The following ZMIZ1 variants were observed in gnomAD, a reference collection of about 807,000 sequenced individuals.
ZMIZ1 encodes zinc finger MIZ domain-containing protein 1.
ZMIZ1 carries 17 observed loss-of-function variants against 113.9 expected under a neutral mutation model. The ratio of observed to expected loss-of-function variants is 0.15; its 90% CI spans 0.10 to 0.22. ZMIZ1 has a LOEUF of 0.22. ZMIZ1 is among the 10% of genes least tolerant of loss of function. The pLI, the probability that ZMIZ1 is intolerant of heterozygous loss-of-function variation, is 1.00. For synonymous variants in ZMIZ1, 607 were observed against 603.1 expected (o/e 1.01, Z -0.09); for missense variants, 1,059 against 1,477.8 (o/e 0.72, Z 4.65).
At chr10:79,073,779 C>G (rs954221956) in intron 1 of ZMIZ1, among the ~76,000 whole-genome samples, 1 of 151,692 alleles carries the variant, frequency 6.6e-6, no homozygotes, top group Middle Eastern at 3.2e-3. Flanking sequence ...CCTCTGGGCA[C>G]TTTCCTTGGA....
At chr10:79,188,836 A>G (rs703974) in intron 4 of ZMIZ1, among the ~76,000 whole-genome samples, 48,057 of 152,192 alleles carry the variant, frequency 0.32, 8,850 homozygotes, top group Non-Finnish European at 0.41. Context: ...GAGAAAAGCC[A>G]GATTTTGTAA....
intron 1 of ZMIZ1, among the ~76,000 whole-genome samples, chr10:79,102,099 C>G (rs1278673782): frequency 1.3e-5 from 2 of 152,228 alleles, no homozygotes; most frequent in African/African-American, 2.4e-5. Flanking sequence ...ATAAGCTCTT[C>G]CCATCTGGAG....
intron 19 of ZMIZ1, 114 bp from the exon 20 acceptor site, chr10:79,305,050 C>T: frequency 8.2e-7 from 1 of 1,226,256 alleles, no homozygotes; most frequent in Non-Finnish European, 1.2e-6. Context: ...CCCGGGGTTT[C>T]TCCCACAGCC....
At chr10:79,221,141 C>G (rs1848949917) in intron 7 of ZMIZ1, among the ~76,000 whole-genome samples, 1 of 152,192 alleles carries the variant, frequency 6.6e-6, no homozygotes, top group Non-Finnish European at 1.5e-5. Context: ...GTCAGGAGGC[C>G]AGGCCAGCCA....
intron 1 of ZMIZ1, among the ~76,000 whole-genome samples, chr10:79,093,752 C>T (rs899786879): frequency 1.3e-5 from 2 of 152,218 alleles, no homozygotes; most frequent in Non-Finnish European, 2.9e-5. Context: ...TCCCACTACC[C>T]TATGCACACC....
intron 4 of ZMIZ1, among the ~76,000 whole-genome samples, chr10:79,181,607 C>A (rs1358613133): frequency 6.6e-6 from 1 of 152,218 alleles, no homozygotes; most frequent in African/African-American, 2.4e-5. Flanking sequence ...GCTCCCCAAA[C>A]CCCAAACCGT....
intron 1 of ZMIZ1, among the ~76,000 whole-genome samples, chr10:79,108,886 G>A (rs995244235): frequency 6.6e-6 from 1 of 152,048 alleles, no homozygotes; most frequent in African/African-American, 2.4e-5. Flanking sequence ...CCACCACCGA[G>A]GCCCCTGTGC....
At position 79,284,549 on chromosome 10, in the gene ZMIZ1, T is replaced by G. The variant is rs186501663; in HGVS notation, c.426-5226T>G. Among the ~76,000 whole-genome samples, 4 of 152,332 alleles carry G rather than the reference T, an allele frequency of 2.6e-5. No individual in the cohort carries two copies. In the East Asian group the frequency reaches 7.7e-4, roughly 29 times the overall value. ...TGAAGTAAACAGGGGTAGCTGTGTA[T>G]GGCTGGTTGGAGGACTGGAGAGAAA... On this transcript the variant is annotated intron_variant, in intron 8 of 24. Transcript: ENST00000334512.
chr10:79,245,773 C>T (rs953655397), intron 7 of ZMIZ1, among the ~76,000 whole-genome samples: 1 of 152,182 alleles, frequency 6.6e-6, no homozygotes, highest in Admixed American at 6.5e-5. Context: ...TAGCCACTGG[C>T]CACATGTGGC....
chr10:79,241,803 G>A lies in ZMIZ1; in HGVS notation c.280+25529G>A, dbSNP rs1849845017. Among the ~76,000 whole-genome samples the A allele has an allele frequency of 2.0e-5, 3 of 152,238 alleles. 1 individual carries two copies. The highest frequency in any genetic ancestry group is 1.3e-4 in the Admixed American group (2 of 15,290). ...GGTTTAGGGGCCAGCCAGAGGCTGA[G>A]GCTGAGAAGAGGGGATGGAGTCAGG... is the stretch of plus-strand genomic sequence containing the variant. On this transcript the variant is annotated intron_variant, in intron 7 of 24. Coordinates refer to ENST00000334512, the MANE Select transcript of ZMIZ1 (RefSeq NM_020338.4).
intron 1 of ZMIZ1, among the ~76,000 whole-genome samples, chr10:79,078,570 C>CTT (rs34178865): frequency 0.33 from 29,242 of 87,546 alleles, 4,799 homozygotes; most frequent in Non-Finnish European, 0.41. Context: ...CCACCCCCGA[C>CTT]TTTTTTTTTT....
chr10:79,130,174 C>T lies in ZMIZ1; in HGVS notation c.-226-9508C>T, dbSNP rs77295967. Among the ~76,000 whole-genome samples the T allele has an allele frequency of 5.0e-3, 760 of 152,358 alleles. 5 individuals carry two copies. Among genetic ancestry groups the T allele is most frequent in the South Asian group, 0.021 (100 of 4,834 alleles). ...CCTGCTGGGGACCATCTTCCTGCTTCTGAATCCCTGAGCCCTTTCCAGCCC... is the reference window on the plus strand; with the variant it reads ...CCTGCTGGGGACCATCTTCCTGCTTTTGAATCCCTGAGCCCTTTCCAGCCC... On this transcript the variant is annotated intron_variant, in intron 2 of 24. Coordinates refer to ENST00000334512, the MANE Select transcript of ZMIZ1 (RefSeq NM_020338.4).
At chr10:79,279,641 G>A (rs372415727) in intron 8 of ZMIZ1, among the ~76,000 whole-genome samples, 11 of 152,180 alleles carry the variant, frequency 7.2e-5, no homozygotes, top group African/African-American at 1.7e-4. Flanking sequence ...GTAGCGAGCC[G>A]AGATCACGCC....
chr10:79,236,696 G>A (rs770173832), intron 7 of ZMIZ1, among the ~76,000 whole-genome samples: 3 of 152,146 alleles, frequency 2.0e-5, no homozygotes, highest in Non-Finnish European at 4.4e-5. Context: ...CCTAGGCTCC[G>A]GGCAGGGCAG....
chr10:79,173,060 G>C (rs568071340), intron 4 of ZMIZ1, among the ~76,000 whole-genome samples: 8 of 152,284 alleles, frequency 5.3e-5, no homozygotes, highest in Admixed American at 5.2e-4. Flanking sequence ...AAATCTGCTG[G>C]CTCTGCACCA....
intron 4 of ZMIZ1, among the ~76,000 whole-genome samples, chr10:79,200,411 G>A (rs539261154): frequency 6.6e-6 from 1 of 152,304 alleles, no homozygotes; most frequent in Admixed American, 6.5e-5. Context: ...GGACTCCCAG[G>A]GCTTTTTCGA....
In ZMIZ1 at chr10:79,277,117, G is replaced by GT. The variant is rs902173492; in HGVS notation, c.281-64_281-63insT. ...GCACCCAGTCTGGGGAGAGTTGGGG[G>GT]GGGGTCTTGGTGTGGCAGAGCATGA... On this transcript the variant is annotated intron_variant, in intron 7 of 24. Coordinates refer to ENST00000334512, the MANE Select transcript of ZMIZ1 (RefSeq NM_020338.4). The GT allele has an allele frequency of 2.1e-5, 31 of 1,446,630 alleles. No homozygotes were observed. In the African/African-American group the frequency reaches 4.4e-4, roughly 21 times the overall value. The allele number at this position is 1,446,630 out of a possible 1,614,324, so 89.6% of individuals were successfully genotyped here. A position where few individuals can be genotyped will look rare whatever the true frequency, so the allele number is the denominator to read the frequency against.
intron 1 of ZMIZ1, among the ~76,000 whole-genome samples, chr10:79,104,394 G>A (rs1589275316): frequency 6.6e-6 from 1 of 152,204 alleles, no homozygotes; most frequent in East Asian, 1.9e-4. Flanking sequence ...CAGGCTGCCT[G>A]GTTGGGTCAG....
chr10:79,076,241 T>C (rs12412705), intron 1 of ZMIZ1, among the ~76,000 whole-genome samples: 29,140 of 152,122 alleles, frequency 0.19, 4,506 homozygotes, highest in African/African-American at 0.41. Flanking sequence ...TCTCCGCCAG[T>C]CCATTAGCTC....
Sources: allele counts gnomAD v4.1 joint callset (sites outside exome capture counted in the v4.1 genomes callset), GRCh38; gene constraint gnomAD v4.1.1; transcripts MANE v1.5; gene names NCBI Gene and HGNC (gene_info 2026-07-23, HGNC 2026-07-21).